Variants in TXNRD1 observed in about 807,000 individuals in gnomAD.
TXNRD1 encodes thioredoxin reductase 1, cytoplasmic.
Under a neutral mutation model 80.3 loss-of-function variants are expected in TXNRD1, and 57 were observed. That is an observed-to-expected ratio of 0.71 (90% CI 0.57 to 0.89). TXNRD1 has a LOEUF of 0.89. Among genes scored for constraint, TXNRD1 ranks in the 40% least tolerant of loss-of-function variants. TXNRD1 has a pLI of 0.00. For synonymous variants in TXNRD1, 291 were observed against 285.2 expected (o/e 1.02, Z -0.20); for missense variants, 730 against 803.0 (o/e 0.91, Z 1.10).
chr12:104,266,797 C>T (rs2033498782), intron 3 of TXNRD1, among the ~76,000 whole-genome samples: 1 of 151,968 alleles, frequency 6.6e-6, no homozygotes, highest in Non-Finnish European at 1.5e-5. Context: ...CCCGTCTCTA[C>T]TAAAAACACA....
chr12:104,265,266 A>AC lies in TXNRD1; in HGVS notation c.304+7187_304+7188insC. On this transcript the variant is annotated intron_variant, in intron 3 of 16. Transcript: ENST00000525566. ...ACTCCGTCTTAAAAAAAAAAAAAAA[A>AC]AAACTTCCTTTTGCGGGTGGCGGCG... 3 of 1,526,856 alleles carry AC rather than the reference A, an allele frequency of 2.0e-6. No homozygotes were observed. In the African/African-American group the frequency reaches 4.2e-5, roughly 21 times the overall value. The allele number at this position is 1,526,856 out of a possible 1,614,324, so 94.6% of individuals were successfully genotyped here. A position where few individuals can be genotyped will look rare whatever the true frequency, so the allele number is the denominator to read the frequency against.
At chr12:104,263,543 C>CA (rs1221054527) in intron 3 of TXNRD1, among the ~76,000 whole-genome samples, 1 of 152,196 alleles carries the variant, frequency 6.6e-6, no homozygotes, top group African/African-American at 2.4e-5. Context: ...CTGCCACTCA[C>CA]AGGGCCTGTT....
At chr12:104,264,934 T>G (rs938391358) in intron 3 of TXNRD1, among the ~76,000 whole-genome samples, 3 of 152,134 alleles carry the variant, frequency 2.0e-5, no homozygotes, top group Non-Finnish European at 4.4e-5. Context: ...CTCAAAGAGT[T>G]CCCTGTACTT....
In TXNRD1 at chr12:104,241,937, A is replaced by ATTTTTTTTTTTTTTTTTTTT. The variant is rs747774973; in HGVS notation, c.92-9588_92-9569dup. On this transcript the variant is annotated intron_variant, in intron 1 of 16. Coordinates refer to ENST00000525566, the MANE Select transcript of TXNRD1 (RefSeq NM_001093771.3). ...ACATCTTTTATTTTTTATACTAATG[A>ATTTTTTTTTTTTTTTTTTTT]TTTTTTTTTTTTTTTTTTTTTGAGA... Among the ~76,000 whole-genome samples the ATTTTTTTTTTTTTTTTTTTT allele has an allele frequency of 4.2e-5, 4 of 96,082 alleles. 1 individual carries two copies. Among genetic ancestry groups the ATTTTTTTTTTTTTTTTTTTT allele is most frequent in the East Asian group, 6.6e-4 (2 of 3,038 alleles). The allele number at this position is 96,082 out of a possible 152,430, so 63.0% of individuals were successfully genotyped here.
intron 2 of TXNRD1, among the ~76,000 whole-genome samples, chr12:104,254,644 A>AAAAAAAAAAAAAAAATATATATATATAT: frequency 3.2e-5 from 3 of 93,630 alleles, no homozygotes; most frequent in African/African-American, 1.5e-4. Flanking sequence ...AAAAAAAAAA[A>AAAAAAAAAAAAAAAATATATATATATAT]ATATATATAT....
chr12:104,319,176 G>A (rs1449390203), intron 8 of TXNRD1, 121 bp downstream of exon 8: 2 of 1,244,156 alleles, frequency 1.6e-6, no homozygotes, highest in Non-Finnish European at 2.2e-6. Flanking sequence ...AGACTATCCA[G>A]TTTGGTGATT....
chr12:104,332,555 G>A (rs2033838327), intron 14 of TXNRD1, among the ~76,000 whole-genome samples: 1 of 151,950 alleles, frequency 6.6e-6, no homozygotes, highest in African/African-American at 2.4e-5. Flanking sequence ...TTTGAGACCA[G>A]CCTGACCAAC....
chr12:104,252,667 T>TAC lies in TXNRD1; in HGVS notation c.243+990_243+991insCA, dbSNP rs1565863304. Among the ~76,000 whole-genome samples, 373 of 57,398 alleles carry TAC rather than the reference T, an allele frequency of 6.5e-3. 14 individuals are homozygous for TAC. Among genetic ancestry groups the TAC allele is most frequent in the African/African-American group, 0.026 (362 of 14,080 alleles). The allele number at this position is 57,398 out of a possible 152,430, so 37.7% of individuals were successfully genotyped here. A position where few individuals can be genotyped will look rare whatever the true frequency, so the allele number is the denominator to read the frequency against. On this transcript the variant is annotated intron_variant, in intron 2 of 16. Coordinates refer to ENST00000525566, the MANE Select transcript of TXNRD1 (RefSeq NM_001093771.3). ...AGAGGTTAATTTATTATTTTTTATATATATATATATATATATATATATATT... is the reference window on the plus strand; with the variant it reads ...AGAGGTTAATTTATTATTTTTTATATACATATATATATATATATATATATATT...
chr12:104,347,009 C>T (rs1462798755), intron 16 of TXNRD1, among the ~76,000 whole-genome samples: 1 of 152,050 alleles, frequency 6.6e-6, no homozygotes, highest in Admixed American at 6.6e-5. Flanking sequence ...GCAGGAGAAT[C>T]GCTTGAACCT....
chr12:104,244,668 A>G (rs1183551391), intron 1 of TXNRD1, among the ~76,000 whole-genome samples: 1 of 152,238 alleles, frequency 6.6e-6, no homozygotes, highest in East Asian at 1.9e-4. Flanking sequence ...AATCTTGAAT[A>G]GTATGCAGCC....
chr12:104,276,194 A>G (rs896657697), intron 3 of TXNRD1, among the ~76,000 whole-genome samples: 7 of 152,232 alleles, frequency 4.6e-5, no homozygotes, highest in Admixed American at 1.3e-4. Flanking sequence ...TGTTGAAGAA[A>G]GGTGGGGTCC....
intron 16 of TXNRD1, among the ~76,000 whole-genome samples, chr12:104,346,806 A>G (rs2036505446): frequency 6.6e-6 from 1 of 152,196 alleles, no homozygotes. Flanking sequence ...TAAAAAGGAT[A>G]ACTATTGGCC....
At chr12:104,293,236 A>G (rs369570793) in intron 4 of TXNRD1, among the ~76,000 whole-genome samples, 3 of 152,354 alleles carry the variant, frequency 2.0e-5, no homozygotes, top group South Asian at 2.1e-4. Flanking sequence ...ATTTACTGGA[A>G]TAATACCAAG....
intron 3 of TXNRD1, among the ~76,000 whole-genome samples, chr12:104,271,841 G>A (rs1017968626): frequency 1.3e-5 from 2 of 151,032 alleles, no homozygotes; most frequent in East Asian, 3.9e-4. Flanking sequence ...ATGCACTCCA[G>A]CCTGAGCAAC....
intron 4 of TXNRD1, chr12:104,304,537 G>A: frequency 1.2e-6 from 2 of 1,614,020 alleles, no homozygotes; most frequent in Non-Finnish European, 1.7e-6. Context: ...ATGGCAACAT[G>A]CCTACAAAGT....
At chr12:104,245,715 T>C (rs2032970007) in intron 1 of TXNRD1, among the ~76,000 whole-genome samples, 1 of 151,594 alleles carries the variant, frequency 6.6e-6, no homozygotes, top group African/African-American at 2.4e-5. Flanking sequence ...TCAAATTGTT[T>C]TTCAAAAGAA....
Position 104,313,289 on chromosome 12 carries a change from C to G in TXNRD1, c.582C>G (p.Val194=), listed in dbSNP as rs1442129232. 4 of 1,592,414 alleles carry G rather than the reference C, an allele frequency of 2.5e-6. No homozygotes were observed. Among genetic ancestry groups the G allele is most frequent in the Non-Finnish European group, 3.4e-6 (4 of 1,168,072 alleles). Residue 194 remains valine, a synonymous_variant, in exon 6 of 17, where the codon GTC becomes GTG. Coordinates refer to ENST00000525566, the MANE Select transcript of TXNRD1 (RefSeq NM_001093771.3). ...YGKKVMVLDF[V]TPTPLGTRWG... is the part of the protein sequence containing the mutation. ...AGAAGGTGATGGTCCTGGACTTTGT[C>G]ACTCCCACCCCTCTTGGAACTAGAT...
At chr12:104,266,550 TGGCTGGGCGTGGC>T (rs1292835538) in intron 3 of TXNRD1, among the ~76,000 whole-genome samples, 1 of 138,788 alleles carries the variant, frequency 7.2e-6, no homozygotes, top group Non-Finnish European at 1.6e-5. Flanking sequence ...AAAAATTAGT[TGGCTGGGCGTGGC>T]GGCTCACGAC....
chr12:104,265,745 A>C (rs2033470371), intron 3 of TXNRD1: 10 of 1,597,552 alleles, frequency 6.3e-6, no homozygotes, highest in Non-Finnish European at 7.6e-6. Context: ...AAGCAGTTCC[A>C]CGACTCCAAG....
Sources: allele counts gnomAD v4.1 joint callset (sites outside exome capture counted in the v4.1 genomes callset), GRCh38; gene constraint gnomAD v4.1.1; transcripts MANE v1.5; gene names NCBI Gene and HGNC (gene_info 2026-07-23, HGNC 2026-07-21).